The following TF variants were observed in gnomAD, a reference collection of about 807,000 sequenced individuals.
The protein encoded by TF is serotransferrin.
TF carries 55 observed loss-of-function variants against 82.4 expected under a neutral mutation model. The ratio of observed to expected loss-of-function variants is 0.67; its 90% CI spans 0.54 to 0.84. The LOEUF (loss-of-function observed/expected upper bound fraction) is 0.84, where lower values mean the gene tolerates loss of function less well. Among genes scored for constraint, TF ranks in the 40% least tolerant of loss-of-function variants. The pLI, the probability that TF is intolerant of heterozygous loss-of-function variation, is 0.00. For missense variants in TF, 737 were observed against 868.4 expected (o/e 0.85, Z 1.90); for synonymous variants, 332 against 332.6 (o/e 1.00, Z 0.02).
At chr3:133,731,967 C>T in the TF span, among the ~76,000 whole-genome samples, 1 of 152,128 alleles carries the variant, frequency 6.6e-6, no homozygotes, top group Non-Finnish European at 1.5e-5. Flanking sequence ...AGAAAAAGTC[C>T]TGCTAGGATC....
At chr3:133,740,724 C>T in the TF span, among the ~76,000 whole-genome samples, 1 of 152,110 alleles carries the variant, frequency 6.6e-6, no homozygotes, top group Admixed American at 6.6e-5. Context: ...TGAATTTCTA[C>T]ATCAATTTAA....
chr3:133,720,928 G>C, the TF span, among the ~76,000 whole-genome samples: 2 of 151,878 alleles, frequency 1.3e-5, no homozygotes, highest in Non-Finnish European at 2.9e-5. Flanking sequence ...TGTTTCTGTG[G>C]TATCAGTTAT....
At chr3:133,755,549 G>A (rs777894116) in intron 5 of TF, 54 bp downstream of exon 5, 2 of 1,610,922 alleles carry the variant, frequency 1.2e-6, no homozygotes, top group Admixed American at 3.3e-5. Context: ...TGTCCTCAGG[G>A]TGAGAGTTCT....
chr3:133,706,935 C>A, the TF span, among the ~76,000 whole-genome samples: 1,461 of 152,266 alleles, frequency 9.6e-3, 35 homozygotes, highest in African/African-American at 0.032. Flanking sequence ...AAGAAGCCTT[C>A]TTTAAATTGT....
At chr3:133,776,829 C>A (rs2715628) in intron 15 of TF, among the ~76,000 whole-genome samples, 30,811 of 151,938 alleles carry the variant, frequency 0.2, 3,567 homozygotes, top group Middle Eastern at 0.27. Context: ...GAAGGTGGGA[C>A]CAGGGACCCT....
chr3:133,690,708 T>G, the TF span, among the ~76,000 whole-genome samples: 1 of 152,188 alleles, frequency 6.6e-6, no homozygotes, highest in Non-Finnish European at 1.5e-5. Context: ...ACTGTTGTCT[T>G]TTTGCATCTG....
At chr3:133,713,960 A>T in the TF span, among the ~76,000 whole-genome samples, 1 of 152,210 alleles carries the variant, frequency 6.6e-6, no homozygotes, top group Non-Finnish European at 1.5e-5. Context: ...AAAGGGCAGG[A>T]TACTTTCCAA....
the TF span, among the ~76,000 whole-genome samples, chr3:133,672,458 C>T: frequency 7.0e-6 from 1 of 142,778 alleles, no homozygotes. Context: ...GCAAAAAATC[C>T]TAAAAAAAAA....
Position 133,763,286 on chromosome 3 carries a change from T to C in TF, c.1204-896T>C, listed in dbSNP as rs8177270. 4.9e-3 allele frequency among the ~76,000 whole-genome samples: 754 copies of C among 152,332 alleles called. 8 individuals are homozygous for C. Among genetic ancestry groups the C allele is most frequent in the African/African-American group, 0.017 (708 of 41,568 alleles). ...GCTATTGATGTGAAATTACATACAT[T>C]TCAAATGCTTATGAATCAAATCATT... On this transcript the variant is annotated intron_variant, in intron 9 of 16. Transcript: ENST00000402696.
chr3:133,752,120 T>C (rs1933692405), intron 2 of TF, among the ~76,000 whole-genome samples: 1 of 147,620 alleles, frequency 6.8e-6, no homozygotes, highest in Non-Finnish European at 1.5e-5. Flanking sequence ...TTTTTGAGAG[T>C]CTTGCTCTGT....
the TF span, among the ~76,000 whole-genome samples, chr3:133,714,759 T>G: frequency 6.6e-6 from 1 of 152,016 alleles, no homozygotes; most frequent in African/African-American, 2.4e-5. Flanking sequence ...CTCGGCTCAA[T>G]GAAACCTCCG....
chr3:133,695,573 T>G, the TF span, among the ~76,000 whole-genome samples: 1 of 152,148 alleles, frequency 6.6e-6, no homozygotes, highest in African/African-American at 2.4e-5. Flanking sequence ...TGATAGAAAT[T>G]TAATTTGTTA....
chr3:133,702,445 G>T, the TF span, among the ~76,000 whole-genome samples: 1 of 151,824 alleles, frequency 6.6e-6, no homozygotes, highest in Non-Finnish European at 1.5e-5. Flanking sequence ...TATTTTTTCT[G>T]GTTATAAAAT....
chr3:133,745,139 T>C (rs561785884), upstream of TF, among the ~76,000 whole-genome samples: 1 of 152,352 alleles, frequency 6.6e-6, no homozygotes, highest in South Asian at 2.1e-4. Flanking sequence ...ACAAAGAAAC[T>C]AGAATTAGGA....
At chr3:133,762,269 C>A in intron 9 of TF, 1 of 192,986 alleles carries the variant, frequency 5.2e-6, no homozygotes, top group South Asian at 1.2e-4. Context: ...TTTGTTGTGC[C>A]AAATCAAAAG....
chr3:133,710,800 A>G, the TF span, among the ~76,000 whole-genome samples: 1 of 152,088 alleles, frequency 6.6e-6, no homozygotes, highest in Non-Finnish European at 1.5e-5. Context: ...TGGCCCCCCC[A>G]CAACATTCTC....
the TF span, among the ~76,000 whole-genome samples, chr3:133,663,544 C>T: frequency 2.6e-5 from 4 of 151,882 alleles, no homozygotes; most frequent in Non-Finnish European, 5.9e-5. Flanking sequence ...TCTGTAATAA[C>T]AATTAATATT....
intron 14 of TF, chr3:133,774,734 A>G (rs1459816200): frequency 1.0e-5 from 2 of 200,276 alleles, no homozygotes; most frequent in African/African-American, 4.6e-5. Context: ...TTAAAGAAAC[A>G]AAATTAAATG....
Position 133,756,015 on chromosome 3 carries a change from AT to A in TF, c.636-265del, listed in dbSNP as rs41295756. On this transcript the variant is annotated intron_variant, in intron 5 of 16. Transcript: ENST00000402696. ...AGGAGACACTATACCATTATCTTCTATTCCAGAAGTTTAAAAGCTCTTTTCA... is the reference window on the plus strand; with the variant it reads ...AGGAGACACTATACCATTATCTTCTATCCAGAAGTTTAAAAGCTCTTTTCA... Among the ~76,000 whole-genome samples, 15 of 152,278 alleles carry A rather than the reference AT, an allele frequency of 9.9e-5. No homozygotes were observed. The East Asian group carries it at 2.1e-3, about 22-fold the overall frequency.
Sources: gnomAD v4.1 joint callset for allele counts (sites outside exome capture counted in the v4.1 genomes callset) on GRCh38, gnomAD v4.1.1 for gene constraint, MANE v1.5 for transcripts, NCBI Gene and HGNC (gene_info 2026-07-23, HGNC 2026-07-21) for gene names.